The following SGCD variants were observed in gnomAD, a reference collection of about 807,000 sequenced individuals.
SGCD encodes sarcoglycan delta.
In SGCD, 18 loss-of-function variants were observed where a neutral mutation model predicts 36.6. The observed-to-expected ratio is 0.49, with a 90% CI of 0.34 to 0.73. The LOEUF is 0.73. Among genes scored for constraint, SGCD ranks in the 30% least tolerant of loss-of-function variants. The pLI is 0.01. For synonymous variants in SGCD, 133 were observed against 130.6 expected (o/e 1.02, Z -0.12); for missense variants, 387 against 346.7 (o/e 1.12, Z -0.92).
chr5:155,981,020 C>A (rs1309639481), intron 1 of SGCD, among the ~76,000 whole-genome samples: 1 of 152,194 alleles, frequency 6.6e-6, no homozygotes, highest in Non-Finnish European at 1.5e-5. Flanking sequence ...CTGAAGGATT[C>A]TCTCTGGCTC....
At chr5:155,904,958 C>A (rs1310113017) in intron 1 of SGCD, among the ~76,000 whole-genome samples, 1 of 152,144 alleles carries the variant, frequency 6.6e-6, no homozygotes, top group Non-Finnish European at 1.5e-5. Flanking sequence ...GTTTCTTCTT[C>A]TATAAACTGA....
intron 3 of SGCD, among the ~76,000 whole-genome samples, chr5:156,195,585 A>T (rs952160512): frequency 6.6e-6 from 1 of 152,316 alleles, no homozygotes; most frequent in East Asian, 1.9e-4. Context: ...CACTATTAAC[A>T]TGTTAATGTA....
intron 3 of SGCD, among the ~76,000 whole-genome samples, chr5:156,419,058 G>A (rs1366408628): frequency 6.6e-6 from 1 of 152,132 alleles, no homozygotes; most frequent in Non-Finnish European, 1.5e-5. Flanking sequence ...ACACAACTAA[G>A]AGAAGTATCT....
At chr5:156,109,830 C>G (rs1761742043) in intron 1 of SGCD, among the ~76,000 whole-genome samples, 1 of 152,114 alleles carries the variant, frequency 6.6e-6, no homozygotes, top group African/African-American at 2.4e-5. Context: ...ACTCATTTGT[C>G]AGCACTGTGA....
At chr5:155,857,578 T>C in the SGCD span, among the ~76,000 whole-genome samples, 2 of 152,118 alleles carry the variant, frequency 1.3e-5, no homozygotes, top group Non-Finnish European at 2.9e-5. Flanking sequence ...AAAAAATAAT[T>C]CTAGAAACTG....
chr5:155,961,442 A>G (rs1490369435), intron 1 of SGCD, among the ~76,000 whole-genome samples: 1 of 152,112 alleles, frequency 6.6e-6, no homozygotes, highest in Admixed American at 6.6e-5. Context: ...GTCTCATGAA[A>G]ATGAAGTATG....
At chr5:155,938,728 CCAGA>C (rs1319423520) in intron 1 of SGCD, among the ~76,000 whole-genome samples, 1 of 152,166 alleles carries the variant, frequency 6.6e-6, no homozygotes, top group Non-Finnish European at 1.5e-5. Context: ...CCCTGTGGCA[CCAGA>C]CAGTGTATTA....
chr5:155,920,182 T>G (rs753696598), intron 1 of SGCD, among the ~76,000 whole-genome samples: 1 of 152,138 alleles, frequency 6.6e-6, no homozygotes, highest in African/African-American at 2.4e-5. Flanking sequence ...ACTGCAATAG[T>G]CTTTGGAGAG....
In SGCD at chr5:156,766,686, T is replaced by C. The variant is rs1757593924; in HGVS notation, c.*7296T>C. On this transcript the variant is annotated 3_prime_UTR_variant, in exon 9 of 9. Coordinates refer to ENST00000337851, the MANE Select transcript of SGCD (RefSeq NM_000337.6). ...GTTTCTTTGGAATGCTTTCATCTTC[T>C]AAGCAAAGGGATCAGGGTTTGATCT... is the stretch of plus-strand genomic sequence containing the variant. The C allele has an allele frequency of 6.6e-6, 1 of 151,284 alleles. No individual in the cohort carries two copies. Among genetic ancestry groups the C allele is most frequent in the Non-Finnish European group, 1.5e-5 (1 of 67,934 alleles). The allele number at this position is 151,284 out of a possible 1,614,324, so 9.4% of individuals were successfully genotyped here.
chr5:156,752,188 C>T (rs955368892), intron 7 of SGCD, among the ~76,000 whole-genome samples: 1 of 151,974 alleles, frequency 6.6e-6, no homozygotes, highest in Non-Finnish European at 1.5e-5. Flanking sequence ...AATTATTCTG[C>T]GTGTGAAGTA....
intron 3 of SGCD, among the ~76,000 whole-genome samples, chr5:156,156,640 A>G (rs576596443): frequency 8.1e-4 from 123 of 151,260 alleles, no homozygotes; most frequent in Non-Finnish European, 1.2e-3. Flanking sequence ...AATACCAAAA[A>G]TGCACATACG....
At chr5:156,142,458 G>A (rs1427174092) in intron 3 of SGCD, among the ~76,000 whole-genome samples, 1 of 152,132 alleles carries the variant, frequency 6.6e-6, no homozygotes, top group Non-Finnish European at 1.5e-5. Flanking sequence ...CAATTTGGAG[G>A]GCTCAGAAAA....
chr5:156,495,319 G>A (rs1756134661), intron 3 of SGCD, among the ~76,000 whole-genome samples: 1 of 152,108 alleles, frequency 6.6e-6, no homozygotes, highest in Non-Finnish European at 1.5e-5. Context: ...TATAACTTGA[G>A]GAGAGGGCCA....
At chr5:156,362,959 T>A (rs1374271349) in intron 3 of SGCD, among the ~76,000 whole-genome samples, 1 of 152,166 alleles carries the variant, frequency 6.6e-6, no homozygotes, top group Non-Finnish European at 1.5e-5. Context: ...TCTGGGATAA[T>A]TGACTATAAT....
At chr5:156,532,608 C>A (rs1757932734) in intron 4 of SGCD, among the ~76,000 whole-genome samples, 1 of 152,050 alleles carries the variant, frequency 6.6e-6, no homozygotes, top group Admixed American at 6.6e-5. Flanking sequence ...CCACAGGCAC[C>A]CACCACCATG....
chr5:155,742,888 A>G, the SGCD span, among the ~76,000 whole-genome samples: 2 of 152,228 alleles, frequency 1.3e-5, no homozygotes, highest in East Asian at 3.9e-4. Context: ...AATTTGCTAA[A>G]GAGGCTCACA....
At chr5:155,962,129 G>T (rs1391663093) in intron 1 of SGCD, among the ~76,000 whole-genome samples, 1 of 152,026 alleles carries the variant, frequency 6.6e-6, no homozygotes, top group East Asian at 1.9e-4. Context: ...TCTATGCATA[G>T]TTACATAGCA....
At chr5:156,168,969 T>C (rs1472754266) in intron 3 of SGCD, among the ~76,000 whole-genome samples, 1 of 152,116 alleles carries the variant, frequency 6.6e-6, no homozygotes, top group East Asian at 1.9e-4. Context: ...ATGGAGGGAG[T>C]GAGGCTGAGG....
intron 7 of SGCD, among the ~76,000 whole-genome samples, chr5:156,743,903 A>C (rs1018731682): frequency 3.3e-5 from 5 of 150,202 alleles, no homozygotes; most frequent in African/African-American, 1.2e-4. Flanking sequence ...ATTAGAGAAG[A>C]TTATGTTCCT....
Sources: gnomAD v4.1 joint callset for allele counts (sites outside exome capture counted in the v4.1 genomes callset) on GRCh38, gnomAD v4.1.1 for gene constraint, MANE v1.5 for transcripts, NCBI Gene and HGNC (gene_info 2026-07-23, HGNC 2026-07-21) for gene names.